PCDHA10: variants seen among roughly 807,000 people sequenced by gnomAD.
The protein encoded by PCDHA10 is protocadherin alpha-10.
Under a neutral mutation model 61.2 loss-of-function variants are expected in PCDHA10, and 45 were observed. That is an observed-to-expected ratio of 0.74 (90% CI 0.58 to 0.94). PCDHA10 has a LOEUF of 0.94. Among genes scored for constraint, PCDHA10 ranks in the 40% least tolerant of loss-of-function variants. The pLI is 0.00. For missense variants in PCDHA10, 1,278 were observed against 1,236.2 expected, an observed-to-expected ratio of 1.03 and a Z score of -0.51; for synonymous variants, 602 against 548.8, an observed-to-expected ratio of 1.10 and a Z score of -1.35.
In PCDHA10 at chr5:141,000,327, C is replaced by G. The variant is rs555445425; in HGVS notation, c.2537-9300C>G. On this transcript the variant is annotated intron_variant, in intron 3 of 3. Coordinates refer to ENST00000307360, the MANE Select transcript of PCDHA10 (RefSeq NM_018901.4). ...GAGTTCAAGACCAGCTTGGGCAACA[C>G]AGCAAGGCCCTATCTCTCTCTCTGT... is the stretch of plus-strand genomic sequence containing the variant. 3.5e-5 allele frequency among the ~76,000 whole-genome samples: 5 copies of G among 144,706 alleles called. No homozygotes were observed. The South Asian group carries it at 1.1e-3, about 32-fold the overall frequency. 94.9% of individuals were successfully genotyped at this position (144,706 alleles called of 152,430 possible). A position where few individuals can be genotyped will look rare whatever the true frequency, so the allele number is the denominator to read the frequency against.
intron 3 of PCDHA10, among the ~76,000 whole-genome samples, chr5:140,999,639 T>C (rs1554256919): frequency 6.6e-6 from 1 of 152,144 alleles, no homozygotes; most frequent in African/African-American, 2.4e-5. Context: ...TAGAGAAAAC[T>C]GTGCAGCCTG....
chr5:140,865,652 A>G (rs1413896571), intron 1 of PCDHA10: 1 of 152,206 alleles, frequency 6.6e-6, no homozygotes, highest in Non-Finnish European at 1.5e-5. Context: ...ACATTATTTC[A>G]TTTAATACTT....
At chr5:140,943,509 A>G (rs1053319828) in intron 1 of PCDHA10, among the ~76,000 whole-genome samples, 1 of 152,132 alleles carries the variant, frequency 6.6e-6, no homozygotes, top group East Asian at 1.9e-4. Flanking sequence ...GGTTCATGGA[A>G]ATGTTGAGTT....
At chr5:140,891,285 G>T (rs1402021884) in intron 1 of PCDHA10, among the ~76,000 whole-genome samples, 1 of 152,102 alleles carries the variant, frequency 6.6e-6, no homozygotes, top group South Asian at 2.1e-4. Flanking sequence ...GTTATTGGGG[G>T]TACAGGTGGT....
At chr5:140,869,546 C>T (rs201504685) in intron 1 of PCDHA10, 3 of 1,614,170 alleles carry the variant, frequency 1.9e-6, no homozygotes, top group Middle Eastern at 1.6e-4. Flanking sequence ...TCTAAGCAAT[C>T]GGACTCGCGT....
chr5:140,877,401 G>T (rs183471635), intron 1 of PCDHA10: 1 of 1,613,944 alleles, frequency 6.2e-7, no homozygotes, highest in East Asian at 2.2e-5. Flanking sequence ...CGGACGCTCC[G>T]CGCCACCGCC....
At chr5:140,964,227 G>A (rs1245581815) in intron 1 of PCDHA10, among the ~76,000 whole-genome samples, 1 of 152,222 alleles carries the variant, frequency 6.6e-6, no homozygotes, top group African/African-American at 2.4e-5. Context: ...CTTTCAAAAT[G>A]AGGCTGATTG....
In PCDHA10 at chr5:140,871,059, T is replaced by A. The variant is rs781936875; in HGVS notation, c.2388+12623T>A. 4.3e-6 allele frequency: 7 copies of A among 1,613,256 alleles called. No homozygotes were observed. In the South Asian group the frequency reaches 7.7e-5, roughly 18 times the overall value. On this transcript the variant is annotated intron_variant, in intron 1 of 3. Transcript: ENST00000307360. ...ACCGACTTCTAGTACTGGTGAAGGA[T>A]CACGGTGAGCCGGCGCTGACGGCCA...
intron 1 of PCDHA10, among the ~76,000 whole-genome samples, chr5:140,941,259 T>TTCTTTCTTTC (rs1554214226): frequency 2.6e-4 from 32 of 121,828 alleles, no homozygotes; most frequent in African/African-American, 6.8e-4. Flanking sequence ...TTCTTTCTCT[T>TTCTTTCTTTC]TCTTTCTTTC....
At chr5:140,885,427 G>A (rs1276398573) in intron 1 of PCDHA10, among the ~76,000 whole-genome samples, 1 of 152,092 alleles carries the variant, frequency 6.6e-6, no homozygotes, top group Admixed American at 6.5e-5. Flanking sequence ...ATTCCACAGT[G>A]TAAGTGTGCA....
At chr5:140,969,064 C>T (rs2096292525) in intron 1 of PCDHA10, 1 of 1,614,136 alleles carries the variant, frequency 6.2e-7, no homozygotes, top group Non-Finnish European at 8.5e-7. Context: ...ATATTGATGC[C>T]AGGATACCGC....
chr5:140,942,906 G>A (rs1454697434), intron 1 of PCDHA10, among the ~76,000 whole-genome samples: 1 of 151,800 alleles, frequency 6.6e-6, no homozygotes, highest in South Asian at 2.1e-4. Flanking sequence ...CTAAGAATAA[G>A]CGTGAAGAAA....
At chr5:140,863,397 C>T in intron 1 of PCDHA10, 1 of 873,170 alleles carries the variant, frequency 1.1e-6, no homozygotes, top group Admixed American at 1.9e-5. Flanking sequence ...GCATGCCGGG[C>T]AAGCCCACGC....
chr5:140,935,894 C>CTTT lies in PCDHA10; in HGVS notation c.2389-43041_2389-43039dup, dbSNP rs55841305. Among the ~76,000 whole-genome samples, 1,154 of 136,734 alleles carry CTTT rather than the reference C, an allele frequency of 8.4e-3. 14 individuals carry two copies. Among genetic ancestry groups the CTTT allele is most frequent in the East Asian group, 0.025 (118 of 4,726 alleles). 89.7% of individuals were successfully genotyped at this position (136,734 alleles called of 152,430 possible). On this transcript the variant is annotated intron_variant, in intron 1 of 3. Coordinates refer to ENST00000307360, the MANE Select transcript of PCDHA10 (RefSeq NM_018901.4). ...ATGAGCTCCAATTTATCAATATTAT[C>CTTT]TTTTTTTTTTTTTTTTGAGACAGAT...
chr5:140,993,460 TCTCA>T (rs200310897), intron 3 of PCDHA10, among the ~76,000 whole-genome samples: 2,027 of 104,544 alleles, frequency 0.019, 23 homozygotes, highest in Admixed American at 0.035. Flanking sequence ...CTTCTTTCTT[TCTCA>T]CACACACACA....
intron 1 of PCDHA10, among the ~76,000 whole-genome samples, chr5:140,886,267 A>C (rs1472520900): frequency 6.6e-6 from 1 of 151,960 alleles, no homozygotes; most frequent in African/African-American, 2.4e-5. Context: ...TTTATAGATA[A>C]AATTTTTTAA....
intron 1 of PCDHA10, among the ~76,000 whole-genome samples, chr5:140,949,294 T>C (rs1554218899): frequency 1.3e-5 from 2 of 151,840 alleles, no homozygotes; most frequent in African/African-American, 4.8e-5. Flanking sequence ...TATTCTGTAA[T>C]TGTTGGGTGT....
chr5:141,007,107 A>G (rs1162403610), intron 3 of PCDHA10, among the ~76,000 whole-genome samples: 1 of 152,190 alleles, frequency 6.6e-6, no homozygotes, highest in Non-Finnish European at 1.5e-5. Context: ...GCCAAACCCA[A>G]GGAAGCTTCA....
intron 1 of PCDHA10, among the ~76,000 whole-genome samples, chr5:140,935,347 T>C (rs886241397): frequency 1.3e-5 from 2 of 152,180 alleles, no homozygotes; most frequent in African/African-American, 4.8e-5. Flanking sequence ...ATACGTCAAA[T>C]CCCAGTTTTC....
Sources: allele counts gnomAD v4.1 joint callset (sites outside exome capture counted in the v4.1 genomes callset), GRCh38; gene constraint gnomAD v4.1.1; transcripts MANE v1.5; gene names NCBI Gene and HGNC (gene_info 2026-07-23, HGNC 2026-07-21).